SNX29: variants seen among roughly 807,000 people sequenced by gnomAD.
SNX29 encodes the protein sorting nexin-29.
Under a neutral mutation model 102.1 loss-of-function variants are expected in SNX29, and 78 were observed. The ratio of observed to expected loss-of-function variants is 0.76; its 90% CI spans 0.64 to 0.92. The LOEUF is 0.92. Among genes scored for constraint, SNX29 ranks in the 40% least tolerant of loss-of-function variants. SNX29 has a pLI of 0.00. For synonymous variants in SNX29, 580 were observed against 414.5 expected (o/e 1.40, Z -4.85); for missense variants, 1,280 against 1,061.7 (o/e 1.21, Z -2.86).
intron 18 of SNX29, among the ~76,000 whole-genome samples, chr16:12,477,249 C>T (rs1378863330): frequency 1.3e-5 from 2 of 152,220 alleles, no homozygotes; most frequent in African/African-American, 4.8e-5. Flanking sequence ...CTGAATTCCA[C>T]CTCATCTGTG....
rs2087724819 is a variant in SNX29, at chr16:12,477,792, A to G, written c.2111A>G (p.Lys704Arg). Residue 704 changes from lysine (K) to arginine (R), a missense_variant, in exon 19 of 21, where the codon AAG (lysine) becomes AGG (arginine). Lys to Arg is a conservative substitution (Grantham distance 26). Transcript: ENST00000566228. ...ACAGAGTTCAGGAGTTTGCACCACA[A>G]GTTACAAAACAAGTACCCTCAAGTG... ...RYTEFRSLHHKLQNKYPQVRA... is the reference protein window; with the variant it reads ...RYTEFRSLHHRLQNKYPQVRA... 1 of 1,613,518 alleles carries G rather than the reference A, an allele frequency of 6.2e-7. No individual in the cohort carries two copies. The highest frequency in any genetic ancestry group is 8.5e-7 in the Non-Finnish European group (1 of 1,179,740).
At chr16:12,530,082 C>G (rs562489427) in intron 20 of SNX29, among the ~76,000 whole-genome samples, 2 of 152,370 alleles carry the variant, frequency 1.3e-5, no homozygotes, top group South Asian at 2.1e-4. Flanking sequence ...ACTACTCCCT[C>G]TTGCTTTTCC....
chr16:12,212,147 T>C (rs992967474), intron 14 of SNX29, among the ~76,000 whole-genome samples: 2 of 152,310 alleles, frequency 1.3e-5, no homozygotes, highest in Admixed American at 1.3e-4. Flanking sequence ...CCTGCCTATG[T>C]GGGGCAGCCT....
At position 12,316,263 on chromosome 16, in the gene SNX29, A is replaced by T. The variant is rs941264219; in HGVS notation, c.1782+38227A>T. Among the ~76,000 whole-genome samples, 8 of 152,302 alleles carry T rather than the reference A, an allele frequency of 5.3e-5. No homozygotes were observed. The South Asian group carries it at 1.7e-3, about 32-fold the overall frequency. On this transcript the variant is annotated intron_variant, in intron 15 of 20. Transcript: ENST00000566228. ...GCTGACTTGTCTAAACTAGCATCAG[A>T]TTCAAAAGGCCTCTTCTGGGAGGCC...
intron 11 of SNX29, among the ~76,000 whole-genome samples, chr16:12,107,836 C>G (rs1333831907): frequency 6.6e-5 from 10 of 152,128 alleles, no homozygotes; most frequent in Non-Finnish European, 1.5e-5. Flanking sequence ...CATAGGAATT[C>G]TTCATTAGGA....
chr16:12,561,394 C>T (rs758564216), intron 20 of SNX29, among the ~76,000 whole-genome samples: 31 of 152,142 alleles, frequency 2.0e-4, no homozygotes, highest in Non-Finnish European at 3.2e-4. Flanking sequence ...GCCACATCCC[C>T]GCCACACACA....
intron 13 of SNX29, among the ~76,000 whole-genome samples, chr16:12,169,095 G>A (rs963656294): frequency 2.0e-5 from 3 of 152,238 alleles, no homozygotes; most frequent in African/African-American, 2.4e-5. Flanking sequence ...AGTGTTCTAC[G>A]ATAACATTGT....
At chr16:12,196,523 G>T (rs1160032716) in intron 13 of SNX29, among the ~76,000 whole-genome samples, 2 of 152,048 alleles carry the variant, frequency 1.3e-5, no homozygotes, top group Non-Finnish European at 2.9e-5. Context: ...TTCATAGCTA[G>T]CAAGGAGGGA....
At chr16:12,337,516 A>C (rs2081487669) in intron 15 of SNX29, among the ~76,000 whole-genome samples, 1 of 151,594 alleles carries the variant, frequency 6.6e-6, no homozygotes, top group Non-Finnish European at 1.5e-5. Flanking sequence ...TAACTTTTAT[A>C]TTTTCTGTAG....
chr16:12,091,775 C>CA (rs71408236), intron 11 of SNX29, among the ~76,000 whole-genome samples: 6,300 of 93,824 alleles, frequency 0.067, 354 homozygotes, highest in African/African-American at 0.14. Context: ...AGATCCTTCT[C>CA]AAAAAAAAAA....
chr16:12,130,824 G>T (rs1404632336), intron 13 of SNX29, among the ~76,000 whole-genome samples: 1 of 151,862 alleles, frequency 6.6e-6, no homozygotes, highest in Admixed American at 6.6e-5. Flanking sequence ...TGGTCTGCGT[G>T]GGGCTGCCCT....
intron 18 of SNX29, among the ~76,000 whole-genome samples, chr16:12,456,237 G>A (rs925136332): frequency 6.6e-6 from 1 of 152,196 alleles, no homozygotes; most frequent in South Asian, 2.1e-4. Context: ...TACGTTCAGT[G>A]GAGAGAGGAC....
intron 20 of SNX29, among the ~76,000 whole-genome samples, chr16:12,543,024 G>A (rs868008267): frequency 6.6e-6 from 1 of 152,106 alleles, no homozygotes; most frequent in African/African-American, 2.4e-5. Flanking sequence ...AGGAATGGCT[G>A]GATCCAGAGG....
intron 13 of SNX29, among the ~76,000 whole-genome samples, chr16:12,174,938 A>C (rs182806451): frequency 4.6e-5 from 7 of 152,184 alleles, no homozygotes; most frequent in African/African-American, 1.7e-4. Flanking sequence ...ATTAAAAAAA[A>C]AACAACCAAT....
At chr16:12,242,354 T>TA (rs1394900578) in intron 14 of SNX29, among the ~76,000 whole-genome samples, 7 of 130,950 alleles carry the variant, frequency 5.3e-5, no homozygotes, top group Admixed American at 2.4e-4. Flanking sequence ...TATATAATAA[T>TA]ATATATATAT....
In SNX29 at chr16:12,568,735, T is replaced by A. The variant is rs1441064753; in HGVS notation, c.*106T>A. On this transcript the variant is annotated 3_prime_UTR_variant, in exon 21 of 21. Coordinates refer to ENST00000566228, the MANE Select transcript of SNX29 (RefSeq NM_032167.5). ...CAGCGTGACAACCACGTCCACCTGGTGATCCTGAGAGCACACGATTCCCAA... is the reference window on the plus strand; with the variant it reads ...CAGCGTGACAACCACGTCCACCTGGAGATCCTGAGAGCACACGATTCCCAA... 1.4e-6 allele frequency: 2 copies of A among 1,473,362 alleles called. No individual in the cohort carries two copies. Among genetic ancestry groups the A allele is most frequent in the Non-Finnish European group, 1.8e-6 (2 of 1,104,892 alleles). The allele number at this position is 1,473,362 out of a possible 1,614,324, so 91.3% of individuals were successfully genotyped here. A position where few individuals can be genotyped will look rare whatever the true frequency, so the allele number is the denominator to read the frequency against.
intron 19 of SNX29, among the ~76,000 whole-genome samples, chr16:12,514,170 A>G (rs2151928976): frequency 6.6e-6 from 1 of 152,342 alleles, no homozygotes; most frequent in East Asian, 1.9e-4. Context: ...CAGGGATAAA[A>G]CAGAGGGGCT....
At chr16:12,060,874 G>T (rs1218863363) in intron 8 of SNX29, 1 of 456,082 alleles carries the variant, frequency 2.2e-6, no homozygotes, top group Non-Finnish European at 4.4e-6. Flanking sequence ...ATATGAGCAT[G>T]GTTAATAATT....
intron 15 of SNX29, among the ~76,000 whole-genome samples, chr16:12,306,681 A>G (rs1011118803): frequency 6.6e-6 from 1 of 152,092 alleles, no homozygotes; most frequent in Non-Finnish European, 1.5e-5. Flanking sequence ...TGATGGCAGC[A>G]CTCCTGCTGC....
Sources: gnomAD v4.1 joint callset for allele counts (sites outside exome capture counted in the v4.1 genomes callset) on GRCh38, gnomAD v4.1.1 for gene constraint, MANE v1.5 for transcripts, NCBI Gene and HGNC (gene_info 2026-07-23, HGNC 2026-07-21) for gene names.